The following NRG3 variants were observed in gnomAD, a reference collection of about 807,000 sequenced individuals.
NRG3 encodes pro-neuregulin-3, membrane-bound isoform.
NRG3 carries 31 observed loss-of-function variants against 66.9 expected under a neutral mutation model. That is an observed-to-expected ratio of 0.46 (90% confidence interval 0.35 to 0.63). The LOEUF is 0.63. Ranked by LOEUF, NRG3 falls within the 20% of genes least tolerant of loss-of-function variation. The pLI is 0.00. For missense variants in NRG3, 910 were observed against 878.9 expected (o/e 1.04, Z -0.45); for synonymous variants, 393 against 359.4 (o/e 1.09, Z -1.06).
intron 2 of NRG3, among the ~76,000 whole-genome samples, chr10:82,408,135 G>GAA (rs1276173297): frequency 3.1e-3 from 448 of 143,006 alleles, no homozygotes; most frequent in Non-Finnish European, 4.3e-3. Flanking sequence ...AAGAAAGAAA[G>GAA]AAAGAAAGAA....
intron 2 of NRG3, among the ~76,000 whole-genome samples, chr10:82,611,530 G>A (rs956829290): frequency 1.7e-4 from 26 of 152,196 alleles, no homozygotes; most frequent in South Asian, 6.2e-4. Context: ...TTGGTTTTCC[G>A]TCCTTGTGAT....
intron 1 of NRG3, among the ~76,000 whole-genome samples, chr10:81,882,630 A>G (rs1302703168): frequency 1.3e-5 from 2 of 152,050 alleles, no homozygotes; most frequent in East Asian, 3.9e-4. Context: ...AAAAACAATC[A>G]CTGTTTTTAT....
In NRG3 at chr10:81,875,532, G is replaced by A. The variant is rs1841539416; in HGVS notation, c.192G>A (p.Gln64=). ...CSDCIVWNRQ[Q]TWLCVVPLFI... The stretch of plus-strand genomic sequence containing the variant: ...ACTGCATCGTGTGGAACCGGCAGCA[G>A]ACGTGGCTGTGCGTGGTACCTCTGT... The change falls in exon 1 of 9, where the codon CAG becomes CAA. Residue 64 remains glutamine, a synonymous_variant. Coordinates refer to ENST00000372141, the MANE Select transcript of NRG3 (RefSeq NM_001010848.4). The surrounding 1 kb of genome is among the most constrained non-coding windows in gnomAD (Gnocchi z 5.3). 2 of 1,612,226 alleles carry A rather than the reference G, an allele frequency of 1.2e-6. No individual in the cohort carries two copies. The highest frequency in any genetic ancestry group is 2.7e-5 in the African/African-American group (2 of 74,876).
At chr10:82,645,217 C>T (rs963213916) in intron 2 of NRG3, among the ~76,000 whole-genome samples, 1 of 152,120 alleles carries the variant, frequency 6.6e-6, no homozygotes, top group African/African-American at 2.4e-5. Flanking sequence ...GTTTCACCAA[C>T]ATTTACACAA....
At chr10:81,963,661 G>T (rs1166941160) in intron 1 of NRG3, among the ~76,000 whole-genome samples, 1 of 152,100 alleles carries the variant, frequency 6.6e-6, no homozygotes, top group South Asian at 2.1e-4. Context: ...CCACGTCCCC[G>T]CTTGGACTGT....
At chr10:82,428,008 A>C (rs1222264486) in intron 2 of NRG3, among the ~76,000 whole-genome samples, 3 of 151,940 alleles carry the variant, frequency 2.0e-5, no homozygotes, top group Admixed American at 6.6e-5. Flanking sequence ...TGTTCATAGC[A>C]TTCCTTATTC....
At chr10:82,257,133 A>G (rs1046615281) in intron 1 of NRG3, among the ~76,000 whole-genome samples, 3 of 152,162 alleles carry the variant, frequency 2.0e-5, no homozygotes, top group African/African-American at 7.2e-5. Flanking sequence ...ATGTATGTAA[A>G]TTTTTTAAAT....
At chr10:82,681,097 C>T (rs1022002883) in intron 2 of NRG3, among the ~76,000 whole-genome samples, 1 of 152,132 alleles carries the variant, frequency 6.6e-6, no homozygotes, top group African/African-American at 2.4e-5. Flanking sequence ...TGGGGCATCG[C>T]TCATGGTTGT....
intron 1 of NRG3, among the ~76,000 whole-genome samples, chr10:82,259,149 CAAAT>C (rs2077888731): frequency 6.6e-6 from 1 of 152,110 alleles, no homozygotes; most frequent in Non-Finnish European, 1.5e-5. Context: ...TAATTTCAGA[CAAAT>C]AAAACATCTG....
chr10:82,728,401 T>G (rs2057724828), intron 2 of NRG3, among the ~76,000 whole-genome samples: 1 of 152,172 alleles, frequency 6.6e-6, no homozygotes, highest in South Asian at 2.1e-4. Flanking sequence ...CTCATGATAC[T>G]AAATGGGTCT....
At chr10:82,115,575 G>T (rs2067659437) in intron 1 of NRG3, among the ~76,000 whole-genome samples, 2 of 151,952 alleles carry the variant, frequency 1.3e-5, no homozygotes, top group African/African-American at 4.8e-5. Context: ...CTTATATCAG[G>T]GTATCTGGGG....
intron 4 of NRG3, among the ~76,000 whole-genome samples, chr10:82,923,798 CTG>C (rs144258753): frequency 6.6e-6 from 1 of 151,096 alleles, no homozygotes; most frequent in Admixed American, 6.6e-5. Context: ...CTCCTTCTAC[CTG>C]TGTGTGTGTG....
At chr10:82,793,642 G>A (rs182843933) in intron 3 of NRG3, among the ~76,000 whole-genome samples, 55 of 152,228 alleles carry the variant, frequency 3.6e-4, no homozygotes, top group African/African-American at 1.1e-3. Context: ...AAACAACAAC[G>A]AAGTTTCATT....
intron 2 of NRG3, among the ~76,000 whole-genome samples, chr10:82,513,741 C>T (rs1469336072): frequency 6.6e-6 from 1 of 152,164 alleles, no homozygotes; most frequent in Non-Finnish European, 1.5e-5. Flanking sequence ...AATTGAGCCA[C>T]TGCACTCCAG....
intron 1 of NRG3, among the ~76,000 whole-genome samples, chr10:82,104,497 C>G (rs2066944469): frequency 6.6e-6 from 1 of 152,112 alleles, no homozygotes; most frequent in Non-Finnish European, 1.5e-5. Context: ...AAATCAAGAA[C>G]TTTGTTGCCA....
At chr10:82,323,780 A>G (rs1215667797) in intron 1 of NRG3, among the ~76,000 whole-genome samples, 1 of 152,144 alleles carries the variant, frequency 6.6e-6, no homozygotes, top group Non-Finnish European at 1.5e-5. Flanking sequence ...TTACTGATAT[A>G]GATAGTTCAA....
At chr10:82,651,335 C>T (rs898897911) in intron 2 of NRG3, among the ~76,000 whole-genome samples, 1 of 152,048 alleles carries the variant, frequency 6.6e-6, no homozygotes, top group African/African-American at 2.4e-5. Context: ...TCCATATTTC[C>T]TAATAAGGGG....
rs1429638210 is a variant in NRG3, at chr10:82,911,315, T to A, written c.1055-40154T>A. On this transcript the variant is annotated intron_variant, in intron 4 of 8. Transcript: ENST00000372141. ...TTTTAATTTAAAAAAATCTAAAATT[T>A]TAATTTTTTCATTCATGGGTTGTGC... Among the ~76,000 whole-genome samples the A allele has an allele frequency of 2.0e-5, 3 of 152,120 alleles. No homozygotes were observed. In the East Asian group the frequency reaches 5.8e-4, roughly 29 times the overall value.
chr10:82,341,568 T>G (rs1231590387), intron 1 of NRG3, among the ~76,000 whole-genome samples: 2 of 152,186 alleles, frequency 1.3e-5, no homozygotes, highest in African/African-American at 4.8e-5. Flanking sequence ...CTATAAGTCC[T>G]AAGAACAGAT....
Sources: gnomAD v4.1 joint callset for allele counts (sites outside exome capture counted in the v4.1 genomes callset) on GRCh38, gnomAD v4.1.1 for gene constraint, Gnocchi (gnomAD v3.1) non-coding constraint, MANE v1.5 for transcripts, NCBI Gene and HGNC (gene_info 2026-07-23, HGNC 2026-07-21) for gene names.